PLXDC2: variants seen among roughly 807,000 people sequenced by gnomAD.
PLXDC2 encodes plexin domain containing 2, also known as plexin domain-containing protein 2.
A neutral mutation model predicts 68.9 loss-of-function variants in PLXDC2; 40 were observed. The observed-to-expected ratio is 0.58, with a 90% CI of 0.45 to 0.76. The LOEUF is 0.76. PLXDC2 is among the 30% of genes least tolerant of loss of function. PLXDC2 has a pLI of 0.00. For missense variants in PLXDC2, 644 were observed against 661.9 expected, an observed-to-expected ratio of 0.97 and a Z score of 0.30; for synonymous variants, 243 against 234.2, an observed-to-expected ratio of 1.04 and a Z score of -0.34.
intron 4 of PLXDC2, among the ~76,000 whole-genome samples, chr10:20,074,535 C>T (rs1267618653): frequency 1.3e-5 from 2 of 152,026 alleles, no homozygotes; most frequent in Non-Finnish European, 2.9e-5. Flanking sequence ...TAAATTCCCA[C>T]TAAGAGAGAT....
At chr10:19,861,639 G>T (rs1837321430) in intron 1 of PLXDC2, among the ~76,000 whole-genome samples, 1 of 151,938 alleles carries the variant, frequency 6.6e-6, no homozygotes, top group African/African-American at 2.4e-5. Flanking sequence ...TTCATTCATG[G>T]TTCCCTTCTG....
At chr10:19,953,186 A>G (rs572627751) in intron 1 of PLXDC2, among the ~76,000 whole-genome samples, 1 of 152,204 alleles carries the variant, frequency 6.6e-6, no homozygotes, top group Non-Finnish European at 1.5e-5. Context: ...TATTATAGCC[A>G]TCGTTTTCAG....
intron 4 of PLXDC2, among the ~76,000 whole-genome samples, chr10:20,139,099 A>T (rs527244382): frequency 6.6e-6 from 1 of 152,276 alleles, no homozygotes; most frequent in Admixed American, 6.5e-5. Flanking sequence ...CCCCTAAATG[A>T]CTCGATGAGG....
At chr10:20,178,916 T>C (rs1212815108) in intron 9 of PLXDC2, among the ~76,000 whole-genome samples, 1 of 152,116 alleles carries the variant, frequency 6.6e-6, no homozygotes, top group Admixed American at 6.6e-5. Context: ...GTTAGTTATA[T>C]ATCCAAAGTA....
chr10:19,966,724 C>T (rs1834269471), intron 1 of PLXDC2, among the ~76,000 whole-genome samples: 1 of 152,142 alleles, frequency 6.6e-6, no homozygotes, highest in Non-Finnish European at 1.5e-5. Context: ...AGTCCCACCA[C>T]ACTAGGCCTG....
intron 1 of PLXDC2, among the ~76,000 whole-genome samples, chr10:19,852,783 G>A (rs1216234662): frequency 6.6e-6 from 1 of 152,174 alleles, no homozygotes; most frequent in Non-Finnish European, 1.5e-5. Flanking sequence ...CTACAGAATA[G>A]TGCCCATTGC....
At position 19,912,141 on chromosome 10, in the gene PLXDC2, A is replaced by G. The variant is rs116613879; in HGVS notation, c.113-89634A>G. On this transcript the variant is annotated intron_variant, in intron 1 of 13. Coordinates refer to ENST00000377252, the MANE Select transcript of PLXDC2 (RefSeq NM_032812.9). The stretch of plus-strand genomic sequence containing the variant: ...AAGCATTTTGCTTCTTTGGTATTCT[A>G]AAGGGAATTTAGTCTGAGTGTACAG... 7.3e-3 allele frequency among the ~76,000 whole-genome samples: 1,113 copies of G among 152,314 alleles called. 10 individuals are homozygous for G. The highest frequency in any genetic ancestry group is 0.026 in the African/African-American group (1,072 of 41,580).
chr10:20,241,879 T>A (rs1465296289), intron 12 of PLXDC2, among the ~76,000 whole-genome samples: 1 of 152,116 alleles, frequency 6.6e-6, no homozygotes, highest in African/African-American at 2.4e-5. Flanking sequence ...GATACTGACC[T>A]AAAACCCATC....
chr10:20,189,504 T>TATATATATATATAC (rs1554773611), intron 9 of PLXDC2, among the ~76,000 whole-genome samples: 1,859 of 121,208 alleles, frequency 0.015, 38 homozygotes, highest in Middle Eastern at 0.025. Context: ...TATATATATA[T>TATATATATATATAC]ACACATACAC....
chr10:19,932,575 GT>G lies in PLXDC2; in HGVS notation c.113-69196del, dbSNP rs371995673. 1.7e-3 allele frequency among the ~76,000 whole-genome samples: 262 copies of G among 152,218 alleles called. 1 individual carries two copies. Among genetic ancestry groups the G allele is most frequent in the African/African-American group, 6.2e-3 (257 of 41,520 alleles). On this transcript the variant is annotated intron_variant, in intron 1 of 13. Transcript: ENST00000377252. ...TTTGATTTTCTCACTTTGGGATTAT[GT>G]TTTCTTCTGCAAAGCAAGACACCAA... is the stretch of plus-strand genomic sequence containing the variant.
At chr10:19,837,570 G>T (rs1263012219) in intron 1 of PLXDC2, among the ~76,000 whole-genome samples, 1 of 152,042 alleles carries the variant, frequency 6.6e-6, no homozygotes, top group Non-Finnish European at 1.5e-5. Flanking sequence ...TGCTAAGGTG[G>T]TTACATAGTT....
chr10:19,882,979 C>CA (rs1291043595), intron 1 of PLXDC2, among the ~76,000 whole-genome samples: 5 of 122,442 alleles, frequency 4.1e-5, no homozygotes, highest in Admixed American at 9.1e-5. Context: ...TTTTTTGAGA[C>CA]AGAGTCTCAC....
chr10:20,033,199 AAT>A (rs1309563213), intron 2 of PLXDC2, among the ~76,000 whole-genome samples: 3 of 145,864 alleles, frequency 2.1e-5, no homozygotes, highest in Non-Finnish European at 2.9e-5. Flanking sequence ...TATATAAAAA[AAT>A]AAAATAAAAA....
intron 4 of PLXDC2, among the ~76,000 whole-genome samples, chr10:20,075,509 G>A (rs1406859240): frequency 6.6e-6 from 1 of 152,056 alleles, no homozygotes; most frequent in Non-Finnish European, 1.5e-5. Context: ...TGTCTTTCAC[G>A]AATTTCATAT....
At chr10:20,057,225 A>G (rs1249199948) in intron 3 of PLXDC2, among the ~76,000 whole-genome samples, 3 of 152,146 alleles carry the variant, frequency 2.0e-5, no homozygotes, top group Non-Finnish European at 2.9e-5. Flanking sequence ...CAGAAAACTT[A>G]GCAAACTGTA....
chr10:20,182,188 A>G (rs1834615031), intron 9 of PLXDC2, among the ~76,000 whole-genome samples: 1 of 151,898 alleles, frequency 6.6e-6, no homozygotes. Flanking sequence ...GTAAATTCCC[A>G]TGTAACCATC....
intron 1 of PLXDC2, among the ~76,000 whole-genome samples, chr10:19,995,493 T>C (rs1834829177): frequency 6.6e-6 from 1 of 152,246 alleles, no homozygotes. Flanking sequence ...TTGTCTAGCA[T>C]GTACCAAAAT....
chr10:20,055,222 T>C (rs1835976042), intron 3 of PLXDC2, among the ~76,000 whole-genome samples: 1 of 152,122 alleles, frequency 6.6e-6, no homozygotes, highest in Non-Finnish European at 1.5e-5. Flanking sequence ...TACTTGAATA[T>C]ACATAGAAAA....
chr10:19,857,607 G>A (rs1015390845), intron 1 of PLXDC2, among the ~76,000 whole-genome samples: 1 of 152,158 alleles, frequency 6.6e-6, no homozygotes, highest in African/African-American at 2.4e-5. Flanking sequence ...TTTCCAATTT[G>A]TAAAGTTTGT....
Sources: gnomAD v4.1 joint callset for allele counts (sites outside exome capture counted in the v4.1 genomes callset) on GRCh38, gnomAD v4.1.1 for gene constraint, MANE v1.5 for transcripts, NCBI Gene and HGNC (gene_info 2026-07-23, HGNC 2026-07-21) for gene names.